AATF: variants seen among roughly 807,000 people sequenced by gnomAD.
The protein encoded by AATF is apoptosis antagonizing transcription factor.
In AATF, 48 loss-of-function variants were observed where a neutral mutation model predicts 63.7. The observed-to-expected ratio is 0.75, with a 90% CI of 0.60 to 0.96. The LOEUF (loss-of-function observed/expected upper bound fraction) is 0.96. AATF is among the 40% of genes least tolerant of loss of function. AATF has a pLI of 0.00. For synonymous variants in AATF, 258 were observed against 247.7 expected (o/e 1.04, Z -0.39); for missense variants, 639 against 685.7 (o/e 0.93, Z 0.76).
At chr17:36,953,678 C>A in intron 3 of AATF, 92 bp from the exon 4 acceptor site, 1 of 1,194,750 alleles carries the variant, frequency 8.4e-7, no homozygotes, top group Non-Finnish European at 1.2e-6. Context: ...TGCTTAGAGA[C>A]TGGTGTGGTT....
intron 10 of AATF, among the ~76,000 whole-genome samples, chr17:37,022,254 AG>A (rs1190214359): frequency 6.6e-6 from 1 of 152,214 alleles, no homozygotes; most frequent in Admixed American, 6.5e-5. Flanking sequence ...AGTTTTAGGC[AG>A]GTAGTTAAAC....
chr17:37,044,000 A>G (rs1368711850), intron 11 of AATF, among the ~76,000 whole-genome samples: 1 of 152,248 alleles, frequency 6.6e-6, no homozygotes, highest in African/African-American at 2.4e-5. Flanking sequence ...CATGCAATAC[A>G]GACATAGCCA....
intron 11 of AATF, among the ~76,000 whole-genome samples, chr17:37,044,023 C>T (rs575522361): frequency 6.6e-6 from 1 of 152,250 alleles, no homozygotes; most frequent in South Asian, 2.1e-4. Context: ...TCTGTGCAAA[C>T]CCCAAAAAAA....
Position 37,014,803 on chromosome 17 carries a change from T to C in AATF, c.1399-4202T>C, listed in dbSNP as rs960570658. Among the ~76,000 whole-genome samples, 13 of 152,236 alleles carry C rather than the reference T, an allele frequency of 8.5e-5. 1 individual carries two copies. Among genetic ancestry groups the C allele is most frequent in the Non-Finnish European group, 1.9e-4 (13 of 68,030 alleles). On this transcript the variant is annotated intron_variant, in intron 8 of 11. Coordinates refer to ENST00000619387, the MANE Select transcript of AATF (RefSeq NM_012138.4). The stretch of plus-strand genomic sequence containing the variant: ...CTAAATTTTTGTCTTGTCTTGCAAA[T>C]AAGCAAGGGGATATTATCTTTTTGC...
At chr17:36,970,937 T>G (rs886626573) in intron 4 of AATF, among the ~76,000 whole-genome samples, 2 of 152,054 alleles carry the variant, frequency 1.3e-5, no homozygotes, top group African/African-American at 4.8e-5. Context: ...CACAAGACAG[T>G]CAATTTATAT....
intron 10 of AATF, among the ~76,000 whole-genome samples, chr17:37,026,587 A>G (rs2071512743): frequency 1.3e-5 from 2 of 152,236 alleles, no homozygotes; most frequent in African/African-American, 2.4e-5. Flanking sequence ...CTGTGCTTCA[A>G]TTTCCTCATC....
intron 11 of AATF, 83 bp from the exon 12 acceptor site, chr17:37,056,518 G>T: frequency 7.3e-7 from 1 of 1,369,868 alleles, no homozygotes; most frequent in Non-Finnish European, 1.0e-6. Flanking sequence ...AAACAGAATG[G>T]GGTATTTTCC....
rs1288330783 is a variant in AATF at position 36,981,191 on chromosome 17, G to T, written c.833-5426G>T. ...AAAACTGACTTGAACAACATAAAAA[G>T]GCTCGCATAGCTACTTGAAAATGGC... On this transcript the variant is annotated intron_variant, in intron 4 of 11. Coordinates refer to ENST00000619387, the MANE Select transcript of AATF (RefSeq NM_012138.4). Among the ~76,000 whole-genome samples, 4 of 152,230 alleles carry T rather than the reference G, an allele frequency of 2.6e-5. No individual in the cohort carries two copies. In the East Asian group the frequency reaches 7.7e-4, roughly 29 times the overall value.
At chr17:36,967,454 G>T (rs1420707726) in intron 4 of AATF, among the ~76,000 whole-genome samples, 1 of 152,118 alleles carries the variant, frequency 6.6e-6, no homozygotes, top group Non-Finnish European at 1.5e-5. Flanking sequence ...CTCTTCTCAA[G>T]TCTAAAGTTG....
chr17:36,988,822 C>A (rs576097569), intron 6 of AATF, 102 bp downstream of exon 6: 5 of 1,126,630 alleles, frequency 4.4e-6, no homozygotes, highest in African/African-American at 1.6e-5. Flanking sequence ...GATGTTGTCA[C>A]GATGTAATGG....
intron 4 of AATF, among the ~76,000 whole-genome samples, chr17:36,960,520 C>T (rs1396328927): frequency 6.6e-6 from 1 of 151,974 alleles, no homozygotes; most frequent in Non-Finnish European, 1.5e-5. Context: ...AATCCTGTAC[C>T]CCTGCCGCCC....
chr17:37,036,123 T>C (rs892220493), intron 11 of AATF, among the ~76,000 whole-genome samples: 2 of 152,164 alleles, frequency 1.3e-5, no homozygotes, highest in African/African-American at 4.8e-5. Flanking sequence ...TGAAACAAAA[T>C]GTTCTGCCCT....
chr17:37,025,834 G>T (rs1354198167), intron 10 of AATF, among the ~76,000 whole-genome samples: 2 of 152,116 alleles, frequency 1.3e-5, no homozygotes, highest in Non-Finnish European at 2.9e-5. Context: ...TGCAGGCAAG[G>T]TCCACAATAG....
At chr17:37,019,318 T>C (rs73985335) in intron 9 of AATF, among the ~76,000 whole-genome samples, 1,882 of 152,352 alleles carry the variant, frequency 0.012, 39 homozygotes, top group African/African-American at 0.043. Context: ...TTTCTTATGC[T>C]CTTTGCTCCC....
chr17:37,056,823 G>A lies in AATF; in HGVS notation c.*159G>A, dbSNP rs1335670347. On this transcript the variant is annotated 3_prime_UTR_variant, in exon 12 of 12. Coordinates refer to ENST00000619387, the MANE Select transcript of AATF (RefSeq NM_012138.4). ...CTAATACACGCAAGGGCGCTGTCCC[G>A]CCCAACCCCGCCTTTAAACGCCACA... The A allele has an allele frequency of 8.9e-6, 6 of 673,488 alleles. No individual in the cohort carries two copies. The highest frequency in any genetic ancestry group is 1.8e-5 in the African/African-American group (1 of 55,262). 41.7% of individuals were successfully genotyped at this position (673,488 alleles called of 1,614,324 possible).
intron 8 of AATF, among the ~76,000 whole-genome samples, chr17:37,018,401 C>T (rs990835198): frequency 3.9e-5 from 6 of 152,160 alleles, no homozygotes; most frequent in Non-Finnish European, 8.8e-5. Context: ...TCTTTAGATT[C>T]CCTCTTAAAA....
intron 4 of AATF, among the ~76,000 whole-genome samples, chr17:36,975,743 T>A (rs2071075170): frequency 6.6e-6 from 1 of 152,252 alleles, no homozygotes; most frequent in Admixed American, 6.5e-5. Flanking sequence ...CAGATTGCTT[T>A]CTGGCTATGT....
chr17:37,004,562 G>T (rs1241102702), intron 8 of AATF, among the ~76,000 whole-genome samples: 4 of 152,104 alleles, frequency 2.6e-5, no homozygotes, highest in Non-Finnish European at 5.9e-5. Context: ...GTAGGGAGGG[G>T]TTGGTGTGAT....
chr17:36,972,517 G>A (rs1597706331), intron 4 of AATF, among the ~76,000 whole-genome samples: 1 of 152,264 alleles, frequency 6.6e-6, no homozygotes, highest in East Asian at 1.9e-4. Context: ...AGGCTGCACT[G>A]CAGGAAAAGT....
Sources: allele counts gnomAD v4.1 joint callset (sites outside exome capture counted in the v4.1 genomes callset), GRCh38; gene constraint gnomAD v4.1.1; transcripts MANE v1.5; gene names NCBI Gene and HGNC (gene_info 2026-07-23, HGNC 2026-07-21).